Variants in IMMP1L observed in about 807,000 individuals in gnomAD.
The protein encoded by IMMP1L is inner mitochondrial membrane peptidase subunit 1, also known as mitochondrial inner membrane protease subunit 1.
IMMP1L carries 24 observed loss-of-function variants against 21.8 expected under a neutral mutation model. The observed-to-expected ratio is 1.10, with a 90% CI of 0.80 to 1.55. The LOEUF (loss-of-function observed/expected upper bound fraction) is 1.55. IMMP1L is among the 40% of genes most tolerant of loss of function. The pLI is 0.00. For synonymous variants in IMMP1L, 46 were observed against 62.8 expected (o/e 0.73, Z 1.26); for missense variants, 195 against 200.7 (o/e 0.97, Z 0.17).
chr11:31,491,061 C>T (rs568576734), intron 1 of IMMP1L, among the ~76,000 whole-genome samples: 2 of 152,286 alleles, frequency 1.3e-5, no homozygotes, highest in East Asian at 3.9e-4. Context: ...TATTTTTGAC[C>T]TCCAAAATTG....
chr11:31,442,089 A>C (rs185822477), intron 4 of IMMP1L, among the ~76,000 whole-genome samples: 1 of 152,322 alleles, frequency 6.6e-6, no homozygotes, highest in African/African-American at 2.4e-5. Context: ...GATATAGCTA[A>C]CTTTACAGCT....
At chr11:31,504,052 C>T (rs1321786663) in intron 1 of IMMP1L, among the ~76,000 whole-genome samples, 2 of 152,182 alleles carry the variant, frequency 1.3e-5, no homozygotes, top group African/African-American at 4.8e-5. Context: ...ATCTTTACCG[C>T]TGCCTCACAC....
intron 1 of IMMP1L, among the ~76,000 whole-genome samples, chr11:31,497,524 C>A (rs1309553469): frequency 2.8e-5 from 4 of 145,290 alleles, no homozygotes; most frequent in Non-Finnish European, 4.5e-5. Context: ...TGCAGTGGTG[C>A]GATCTCCGCT....
At chr11:31,500,570 C>G (rs150919918) in intron 1 of IMMP1L, among the ~76,000 whole-genome samples, 1 of 150,034 alleles carries the variant, frequency 6.7e-6, no homozygotes, top group Non-Finnish European at 1.5e-5. Context: ...CCTCTCTCCC[C>G]TCCAAAAATC....
chr11:31,491,465 T>C (rs1341061561), intron 1 of IMMP1L, among the ~76,000 whole-genome samples: 1 of 152,168 alleles, frequency 6.6e-6, no homozygotes, highest in Non-Finnish European at 1.5e-5. Flanking sequence ...TTGGCTGAAA[T>C]GGGTTCTACT....
intron 3 of IMMP1L, 89 bp from the exon 4 acceptor site, chr11:31,456,475 T>A (rs1591972392): frequency 9.7e-7 from 1 of 1,027,644 alleles, no homozygotes; most frequent in East Asian, 2.4e-5. Context: ...ATAAGACAAC[T>A]TAAACAAAGC....
At chr11:31,444,875 T>C (rs1953463074) in intron 4 of IMMP1L, among the ~76,000 whole-genome samples, 1 of 152,194 alleles carries the variant, frequency 6.6e-6, no homozygotes, top group South Asian at 2.1e-4. Context: ...AGCATCCACT[T>C]CTTCAGAACC....
intron 1 of IMMP1L, among the ~76,000 whole-genome samples, chr11:31,494,557 C>T (rs1331391897): frequency 6.6e-6 from 1 of 152,202 alleles, no homozygotes; most frequent in South Asian, 2.1e-4. Context: ...CTCCTTGTTA[C>T]TCATGCAAAT....
intron 2 of IMMP1L, 21 bp downstream of exon 2, chr11:31,463,151 T>C: frequency 6.4e-7 from 1 of 1,573,710 alleles, no homozygotes; most frequent in African/African-American, 1.4e-5. Flanking sequence ...AAGATGAATA[T>C]TCTTGAACAT....
At chr11:31,498,842 T>C (rs540465492) in intron 1 of IMMP1L, among the ~76,000 whole-genome samples, 15 of 152,306 alleles carry the variant, frequency 9.8e-5, no homozygotes, top group African/African-American at 3.4e-4. Flanking sequence ...TTAAATAATA[T>C]ATAAAGCATT....
chr11:31,495,017 C>T lies in IMMP1L; in HGVS notation c.-30+14502G>A, dbSNP rs192832594. ...CTTAGAAATTTCTTCCACCAGATAC[C>T]CTAAATCATTTCTTTCAAGTTCAAA... On this transcript the variant is annotated intron_variant, in intron 1 of 5. Coordinates refer to ENST00000532287, the MANE Select transcript of IMMP1L (RefSeq NM_001304274.2). Among the ~76,000 whole-genome samples, 32 of 152,256 alleles carry T rather than the reference C, an allele frequency of 2.1e-4. No homozygotes were observed. In the East Asian group the frequency reaches 5.2e-3, roughly 25 times the overall value.
intron 2 of IMMP1L, 88 bp from the exon 3 acceptor site, chr11:31,460,802 T>C: frequency 8.3e-6 from 8 of 968,520 alleles, no homozygotes; most frequent in Non-Finnish European, 1.3e-5. Flanking sequence ...AGAAAGAAAA[T>C]CAAGCAAATG....
chr11:31,438,328 A>T (rs1190196550), intron 4 of IMMP1L, among the ~76,000 whole-genome samples: 1 of 152,144 alleles, frequency 6.6e-6, no homozygotes, highest in African/African-American at 2.4e-5. Flanking sequence ...TATGCATACT[A>T]GTATTATCTT....
At chr11:31,462,420 A>AT (rs1379505357) in intron 2 of IMMP1L, among the ~76,000 whole-genome samples, 6 of 151,836 alleles carry the variant, frequency 4.0e-5, no homozygotes, top group African/African-American at 1.5e-4. Context: ...AGTAAACCTA[A>AT]TTTAAAAAAA....
chr11:31,435,545 C>T lies in IMMP1L; in HGVS notation c.322-1975G>A, dbSNP rs1451049. ...ATGGCAAAAACCACAATTACTTTTGCACCAATCTAATAGATTTTTGCCAAT... is the reference window on the plus strand; with the variant it reads ...ATGGCAAAAACCACAATTACTTTTGTACCAATCTAATAGATTTTTGCCAAT... On this transcript the variant is annotated intron_variant, in intron 4 of 5. Coordinates refer to ENST00000532287, the MANE Select transcript of IMMP1L (RefSeq NM_001304274.2). Among the ~76,000 whole-genome samples, 5 of 152,108 alleles carry T rather than the reference C, an allele frequency of 3.3e-5. No individual in the cohort carries two copies. The South Asian group carries it at 1.0e-3, about 32-fold the overall frequency.
intron 4 of IMMP1L, chr11:31,452,310 T>C: frequency 1.0e-6 from 1 of 983,404 alleles, no homozygotes; most frequent in Non-Finnish European, 1.2e-6. Flanking sequence ...CACACAATAT[T>C]ATACTAATAA....
At chr11:31,508,315 G>C (rs941332003) in intron 1 of IMMP1L, among the ~76,000 whole-genome samples, 1 of 152,100 alleles carries the variant, frequency 6.6e-6, no homozygotes, top group Non-Finnish European at 1.5e-5. Flanking sequence ...TTTTCTATGT[G>C]TTAATTTTAT....
rs549079743 is a variant in IMMP1L, at chr11:31,493,507, G to A, written c.-30+16012C>T. Among the ~76,000 whole-genome samples, 10 of 152,188 alleles carry A rather than the reference G, an allele frequency of 6.6e-5. No homozygotes were observed. In the South Asian group the frequency reaches 2.1e-3, roughly 32 times the overall value. On this transcript the variant is annotated intron_variant, in intron 1 of 5. Coordinates refer to ENST00000532287, the MANE Select transcript of IMMP1L (RefSeq NM_001304274.2). ...TAATTCAAGATGACATTTGGGTGGG[G>A]GCGTAATCAAACCATATCATTCCAC...
intron 1 of IMMP1L, chr11:31,488,372 T>C (rs1471756477): frequency 2.0e-5 from 3 of 152,160 alleles, no homozygotes; most frequent in African/African-American, 7.2e-5. Context: ...CCATGAGATC[T>C]TGAATTCAGG....
Sources: allele counts gnomAD v4.1 joint callset (sites outside exome capture counted in the v4.1 genomes callset), GRCh38; gene constraint gnomAD v4.1.1; transcripts MANE v1.5; gene names NCBI Gene and HGNC (gene_info 2026-07-23, HGNC 2026-07-21).